The following SLC28A3 variants were observed in gnomAD, a reference collection of about 807,000 sequenced individuals.
SLC28A3 encodes concentrative Na(+)-nucleoside cotransporter 3.
Under a neutral mutation model 84.2 loss-of-function variants are expected in SLC28A3, and 68 were observed. The ratio of observed to expected loss-of-function variants is 0.81; its 90% CI spans 0.66 to 0.99. The LOEUF (loss-of-function observed/expected upper bound fraction) is 0.99. Among genes scored for constraint, SLC28A3 ranks in the 50% least tolerant of loss-of-function variants. The pLI is 0.00. For synonymous variants in SLC28A3, 267 were observed against 303.6 expected (o/e 0.88, Z 1.25); for missense variants, 712 against 841.5 (o/e 0.85, Z 1.90).
rs189283689 is a variant in SLC28A3, at chr9:84,300,455, G to A, written c.525-730C>T. Among the ~76,000 whole-genome samples, 83 of 152,320 alleles carry A rather than the reference G, an allele frequency of 5.4e-4. 1 individual carries two copies. Among genetic ancestry groups the A allele is most frequent in the African/African-American group, 2.0e-3 (83 of 41,572 alleles). On this transcript the variant is annotated intron_variant, in intron 5 of 17. Coordinates refer to ENST00000376238, the MANE Select transcript of SLC28A3 (RefSeq NM_001199633.2). ...GGGGGACCTCACCAGCGGCCGAGAG[G>A]GAGATCAGACGTTAGGGCAAGTTCT...
intron 11 of SLC28A3, among the ~76,000 whole-genome samples, chr9:84,288,545 G>A (rs970139445): frequency 3.4e-5 from 5 of 149,230 alleles, no homozygotes; most frequent in Admixed American, 6.6e-5. Context: ...AAGCATGTAT[G>A]TCATTACAAC....
intron 1 of SLC28A3, among the ~76,000 whole-genome samples, chr9:84,324,481 T>C (rs184155035): frequency 9.9e-5 from 15 of 152,048 alleles, no homozygotes; most frequent in Non-Finnish European, 1.6e-4. Flanking sequence ...CTGTCTCTAC[T>C]AAAAATACAA....
intron 5 of SLC28A3, 132 bp downstream of exon 5, chr9:84,302,068 G>A (rs1825652809): frequency 2.6e-6 from 2 of 771,896 alleles, no homozygotes; most frequent in East Asian, 2.6e-5. Context: ...CATTGTAACA[G>A]ATTACTTCCT....
chr9:84,297,853 C>A (rs1457741287), intron 7 of SLC28A3, 53 bp downstream of exon 7: 2 of 1,446,902 alleles, frequency 1.4e-6, no homozygotes, highest in Non-Finnish European at 1.9e-6. Flanking sequence ...TGAGGATTAC[C>A]TCCAATGTTA....
At chr9:84,302,648 T>A (rs1278840692) in intron 4 of SLC28A3, among the ~76,000 whole-genome samples, 2 of 152,188 alleles carry the variant, frequency 1.3e-5, no homozygotes, top group African/African-American at 4.8e-5. Context: ...CCTTCTGAGT[T>A]CTTGAATCTT....
At chr9:84,332,492 A>G (rs558489460) in intron 1 of SLC28A3, among the ~76,000 whole-genome samples, 4 of 152,174 alleles carry the variant, frequency 2.6e-5, no homozygotes, top group African/African-American at 7.2e-5. Context: ...TAAAAATTTC[A>G]TGTATTAATA....
intron 1 of SLC28A3, among the ~76,000 whole-genome samples, chr9:84,331,651 C>G (rs943498911): frequency 3.9e-5 from 6 of 152,194 alleles, no homozygotes; most frequent in African/African-American, 1.4e-4. Context: ...CAACTAACTT[C>G]AGAGCAAGCT....
chr9:84,327,743 C>T (rs1050016525), intron 1 of SLC28A3, among the ~76,000 whole-genome samples: 3 of 151,690 alleles, frequency 2.0e-5, no homozygotes, highest in Non-Finnish European at 4.4e-5. Flanking sequence ...CCTGGTGAAA[C>T]CCCACCTCTA....
chr9:84,299,073 G>A (rs1188297284), intron 6 of SLC28A3, among the ~76,000 whole-genome samples: 2 of 152,168 alleles, frequency 1.3e-5, no homozygotes, highest in Non-Finnish European at 2.9e-5. Context: ...AGTTACATAT[G>A]AGAGATTTGA....
At chr9:84,310,331 T>A in intron 2 of SLC28A3, 1 of 908,600 alleles carries the variant, frequency 1.1e-6, no homozygotes, top group Non-Finnish European at 1.3e-6. Flanking sequence ...CATTTTTTCA[T>A]GGACAATCTT....
intron 1 of SLC28A3, among the ~76,000 whole-genome samples, chr9:84,335,321 G>A (rs1230761123): frequency 6.6e-6 from 1 of 152,196 alleles, no homozygotes; most frequent in Admixed American, 6.5e-5. Context: ...AACCCAGGAA[G>A]AGATGGGAGG....
intron 1 of SLC28A3, among the ~76,000 whole-genome samples, chr9:84,337,742 A>G (rs995010727): frequency 5.3e-5 from 8 of 152,182 alleles, no homozygotes; most frequent in African/African-American, 1.9e-4. Flanking sequence ...CATATGAGAA[A>G]TAAGTTCCTT....
the SLC28A3 span, among the ~76,000 whole-genome samples, chr9:84,352,907 A>G: frequency 6.6e-6 from 1 of 151,492 alleles, no homozygotes; most frequent in Non-Finnish European, 1.5e-5. Context: ...AAAAAAAAAA[A>G]AAAAAAAACC....
intron 14 of SLC28A3, 29 bp downstream of exon 14, chr9:84,285,316 T>C: frequency 6.2e-7 from 1 of 1,603,036 alleles, no homozygotes. Flanking sequence ...GATGAAGAAA[T>C]GTACTGAGAA....
chr9:84,318,123 T>G (rs149701208), intron 1 of SLC28A3, among the ~76,000 whole-genome samples: 1 of 152,308 alleles, frequency 6.6e-6, no homozygotes, highest in East Asian at 1.9e-4. Flanking sequence ...TCATGTAACT[T>G]TCTGGCTCAA....
intron 16 of SLC28A3, among the ~76,000 whole-genome samples, chr9:84,279,624 C>G (rs1363525102): frequency 6.6e-6 from 1 of 152,028 alleles, no homozygotes; most frequent in African/African-American, 2.4e-5. Context: ...AGTAGAGATG[C>G]GGTTTCGCCA....
chr9:84,329,680 A>T (rs1826701901), intron 1 of SLC28A3, among the ~76,000 whole-genome samples: 1 of 151,914 alleles, frequency 6.6e-6, no homozygotes, highest in African/African-American at 2.4e-5. Context: ...TTATAAAAAA[A>T]AGAGAATTAA....
intron 1 of SLC28A3, among the ~76,000 whole-genome samples, chr9:84,317,849 C>T (rs11140519): frequency 0.099 from 15,028 of 152,238 alleles, 808 homozygotes; most frequent in Admixed American, 0.13. Context: ...GGGGCATTTA[C>T]AGTCGTGTTG....
In SLC28A3 at chr9:84,288,247, A is replaced by G. The variant is rs11568409; in HGVS notation, c.1150-69T>C. On this transcript the variant is annotated intron_variant, in intron 11 of 17. Coordinates refer to ENST00000376238, the MANE Select transcript of SLC28A3 (RefSeq NM_001199633.2). ...TTCTTGTGTTCAGAGGAAGGGTCCA[A>G]GAGCTCCGCAAGGGAAGAAACAGGG... is the stretch of plus-strand genomic sequence containing the variant. The G allele has an allele frequency of 1.0e-4, 164 of 1,601,310 alleles. 2 individuals carry two copies. In the African/African-American group the frequency reaches 1.9e-3, roughly 19 times the overall value.
Sources: allele counts gnomAD v4.1 joint callset (sites outside exome capture counted in the v4.1 genomes callset), GRCh38; gene constraint gnomAD v4.1.1; transcripts MANE v1.5; gene names NCBI Gene and HGNC (gene_info 2026-07-23, HGNC 2026-07-21).